Variants in RCAN2 observed in about 807,000 individuals in gnomAD.
RCAN2 encodes the protein calcipressin-2.
A neutral mutation model predicts 23.6 loss-of-function variants in RCAN2; 9 were observed. The observed-to-expected ratio is 0.38, with a 90% CI of 0.23 to 0.67. The LOEUF is 0.67. Ranked by LOEUF, RCAN2 falls within the 30% of genes least tolerant of loss-of-function variation. The pLI is 0.51. For synonymous variants in RCAN2, 109 were observed against 115.7 expected (o/e 0.94, Z 0.37); for missense variants, 273 against 302.3 (o/e 0.90, Z 0.72).
chr6:46,290,100 C>T (rs1358602203), intron 2 of RCAN2, among the ~76,000 whole-genome samples: 1 of 152,010 alleles, frequency 6.6e-6, no homozygotes, highest in Non-Finnish European at 1.5e-5. Context: ...AGCTACCGAC[C>T]CTCCATGGAC....
rs766204926 is a variant in RCAN2, at chr6:46,246,782, A to G, written c.537T>C (p.Tyr179=). The G allele has an allele frequency of 6.8e-6, 11 of 1,613,666 alleles. No homozygotes were observed. The highest frequency in any genetic ancestry group is 3.3e-5 in the Admixed American group (2 of 59,986). Residue 179 remains tyrosine (Y), a synonymous_variant, in exon 4 of 5, where the codon TAT becomes TAC. Coordinates refer to ENST00000371374, the MANE Select transcript of RCAN2 (RefSeq NM_001251974.2). ...PINDATPVLN[Y]DLLYAVAKLG... Reference sequence around the variant, plus strand: ...GTTTGGCCACAGCATAGAGGAGGTCATAGTTGAGGACTGGCGTGGCATCGT... The same window carrying G: ...GTTTGGCCACAGCATAGAGGAGGTCGTAGTTGAGGACTGGCGTGGCATCGT...
At chr6:46,397,429 G>A (rs757369703) in intron 2 of RCAN2, among the ~76,000 whole-genome samples, 1 of 151,440 alleles carries the variant, frequency 6.6e-6, no homozygotes, top group Non-Finnish European at 1.5e-5. Flanking sequence ...AAAAGTTGGT[G>A]GAATCTGAGT....
Position 46,246,735 on chromosome 6 carries a change from C to T in RCAN2, c.571+13G>A. On this transcript the variant is annotated intron_variant, in intron 4 of 4. Transcript: ENST00000371374. ...GACAAACGTTTATTTTTAAAATGGA[C>T]CGCAAAGCTTACCTGGTCCTAGTTT... 1.9e-6 allele frequency: 3 copies of T among 1,609,742 alleles called. No homozygotes were observed. Among genetic ancestry groups the T allele is most frequent in the Non-Finnish European group, 2.5e-6 (3 of 1,177,860 alleles).
intron 2 of RCAN2, among the ~76,000 whole-genome samples, chr6:46,401,881 T>C (rs1766256962): frequency 6.6e-6 from 1 of 152,080 alleles, no homozygotes; most frequent in Non-Finnish European, 1.5e-5. Context: ...ACACATCTGA[T>C]CAAGCCCCTG....
At chr6:46,429,531 C>T (rs745611143) in intron 2 of RCAN2, among the ~76,000 whole-genome samples, 1 of 152,076 alleles carries the variant, frequency 6.6e-6, no homozygotes, top group African/African-American at 2.4e-5. Flanking sequence ...GAGTTATCAA[C>T]GTTTTAATTT....
Position 46,346,680 on chromosome 6 carries a change from T to C in RCAN2, c.226-97784A>G, listed in dbSNP as rs187973615. On this transcript the variant is annotated intron_variant, in intron 2 of 4. Coordinates refer to ENST00000371374, the MANE Select transcript of RCAN2 (RefSeq NM_001251974.2). ...TCCTGTTATATGTAACACACATACA[T>C]ATAAAAAGCCTGAAAAAATGCATCA... 4.0e-3 allele frequency among the ~76,000 whole-genome samples: 610 copies of C among 152,118 alleles called. 4 individuals carry two copies. Among genetic ancestry groups the C allele is most frequent in the African/African-American group, 0.014 (594 of 41,514 alleles).
chr6:46,346,630 T>C (rs1764490072), intron 2 of RCAN2, among the ~76,000 whole-genome samples: 1 of 152,116 alleles, frequency 6.6e-6, no homozygotes, highest in African/African-American at 2.4e-5. Flanking sequence ...GATACAAAGT[T>C]TAGTAAAATA....
intron 2 of RCAN2, among the ~76,000 whole-genome samples, chr6:46,453,998 A>G (rs1767953145): frequency 6.6e-6 from 1 of 152,230 alleles, no homozygotes; most frequent in Non-Finnish European, 1.5e-5. Flanking sequence ...TGCTGAATAC[A>G]TCTTCCCAAA....
intron 2 of RCAN2, among the ~76,000 whole-genome samples, chr6:46,445,846 C>T (rs1767689101): frequency 7.4e-6 from 1 of 135,482 alleles, no homozygotes; most frequent in African/African-American, 2.7e-5. Context: ...AAGACAGAGA[C>T]AGGTTATTTG....
At chr6:46,263,160 C>T (rs1367961930) in intron 2 of RCAN2, among the ~76,000 whole-genome samples, 2 of 152,278 alleles carry the variant, frequency 1.3e-5, no homozygotes, top group East Asian at 3.9e-4. Context: ...ATGAACCAGA[C>T]AATGTTGAGA....
intron 2 of RCAN2, among the ~76,000 whole-genome samples, chr6:46,391,419 G>A (rs191160553): frequency 6.6e-6 from 1 of 152,256 alleles, no homozygotes; most frequent in Non-Finnish European, 1.5e-5. Context: ...TAGGAGTGAC[G>A]TGTTCAGCTC....
At chr6:46,481,308 G>A (rs1768854767) in intron 1 of RCAN2, among the ~76,000 whole-genome samples, 1 of 152,180 alleles carries the variant, frequency 6.6e-6, no homozygotes, top group Non-Finnish European at 1.5e-5. Context: ...AAATATATGA[G>A]TGAATAAGAT....
intron 2 of RCAN2, among the ~76,000 whole-genome samples, chr6:46,360,489 G>A (rs771614279): frequency 8.2e-5 from 11 of 134,742 alleles, no homozygotes; most frequent in South Asian, 2.5e-4. Flanking sequence ...AGCCGAGATC[G>A]TGCCACTACA....
At chr6:46,432,170 T>A (rs1582196951) in intron 2 of RCAN2, among the ~76,000 whole-genome samples, 1 of 152,312 alleles carries the variant, frequency 6.6e-6, no homozygotes, top group East Asian at 1.9e-4. Context: ...TAATAACTAT[T>A]TTGTGTAAGC....
chr6:46,447,203 G>C (rs938021237), intron 2 of RCAN2, among the ~76,000 whole-genome samples: 2 of 151,802 alleles, frequency 1.3e-5, no homozygotes, highest in Non-Finnish European at 2.9e-5. Context: ...AGATAAAATA[G>C]AATTTATATT....
rs1765493984 is a variant in RCAN2 at position 46,222,079 on chromosome 6, C to A, written c.*1062G>T. ...GCATCTTTATTTAAAAACAAGTGGTCTTGATAGCAAAGATGTTGGCTAATC... is the reference window on the plus strand; with the variant it reads ...GCATCTTTATTTAAAAACAAGTGGTATTGATAGCAAAGATGTTGGCTAATC... On this transcript the variant is annotated 3_prime_UTR_variant, in exon 5 of 5. Transcript: ENST00000371374. The A allele has an allele frequency of 2.5e-6, 1 of 397,978 alleles. No individual in the cohort carries two copies. The highest frequency in any genetic ancestry group is 4.4e-6 in the Non-Finnish European group (1 of 225,596). 24.7% of individuals were successfully genotyped at this position (397,978 alleles called of 1,614,324 possible).
intron 2 of RCAN2, among the ~76,000 whole-genome samples, chr6:46,251,636 T>G (rs1582031744): frequency 6.6e-6 from 1 of 152,160 alleles, no homozygotes; most frequent in African/African-American, 2.4e-5. Context: ...TTCATTTTTA[T>G]GCTTCACATC....
At chr6:46,262,740 A>T (rs1225104586) in intron 2 of RCAN2, among the ~76,000 whole-genome samples, 5 of 152,030 alleles carry the variant, frequency 3.3e-5, no homozygotes, top group Admixed American at 3.3e-4. Context: ...CACCCACCCC[A>T]CTAATCTCAT....
Position 46,339,198 on chromosome 6 carries a change from A to C in RCAN2, c.226-90302T>G, listed in dbSNP as rs151023257. Among the ~76,000 whole-genome samples the C allele has an allele frequency of 7.2e-5, 11 of 152,094 alleles. No individual in the cohort carries two copies. The South Asian group carries it at 1.2e-3, about 17-fold the overall frequency. On this transcript the variant is annotated intron_variant, in intron 2 of 4. Coordinates refer to ENST00000371374, the MANE Select transcript of RCAN2 (RefSeq NM_001251974.2). ...ATGACAAGTCACTATTCCTTTAAAG[A>C]GGTCTTGGTAGAAAGAAATGAAAAA...
Sources: gnomAD v4.1 joint callset for allele counts (sites outside exome capture counted in the v4.1 genomes callset) on GRCh38, gnomAD v4.1.1 for gene constraint, MANE v1.5 for transcripts, NCBI Gene and HGNC (gene_info 2026-07-23, HGNC 2026-07-21) for gene names.